Variants in SLC35F3 observed in about 807,000 individuals in gnomAD.
SLC35F3 encodes solute carrier family 35 member F3, also known as putative thiamine transporter SLC35F3.
SLC35F3 carries 25 observed loss-of-function variants against 49.9 expected under a neutral mutation model. The observed-to-expected ratio is 0.50, with a 90% CI of 0.37 to 0.70. The LOEUF is 0.70. SLC35F3 is among the 30% of genes least tolerant of loss of function. The pLI, the probability that SLC35F3 is intolerant of heterozygous loss-of-function variation, is 0.00. For synonymous variants in SLC35F3, 275 were observed against 265.4 expected (o/e 1.04, Z -0.35); for missense variants, 525 against 639.8 (o/e 0.82, Z 1.94).
chr1:233,963,822 A>G (rs957801883), intron 2 of SLC35F3, among the ~76,000 whole-genome samples: 5 of 152,188 alleles, frequency 3.3e-5, no homozygotes, highest in Non-Finnish European at 1.5e-5. Context: ...GTCATTCACT[A>G]TCACACAATT....
At position 234,214,306 on chromosome 1, in the gene SLC35F3, G is replaced by A; in HGVS notation, c.284-17111G>A. ...CCGGGGAGGATGTGCGCTGCAGGGC[G>A]GCCGCCGCAGTGAGCAACGCGGCAA... On this transcript the variant is annotated intron_variant, in intron 2 of 7. Coordinates refer to ENST00000366618, the MANE Select transcript of SLC35F3 (RefSeq NM_173508.4). The surrounding 1 kb of genome is among the most constrained non-coding windows in gnomAD (Gnocchi z 8.0). The A allele has an allele frequency of 4.6e-6, 6 of 1,294,724 alleles. No homozygotes were observed. Among genetic ancestry groups the A allele is most frequent in the Non-Finnish European group, 5.9e-6 (6 of 1,024,896 alleles). 80.2% of individuals were successfully genotyped at this position (1,294,724 alleles called of 1,614,324 possible). A position where few individuals can be genotyped will look rare whatever the true frequency, so the allele number is the denominator to read the frequency against.
chr1:234,312,524 T>A (rs1005308847), intron 4 of SLC35F3, among the ~76,000 whole-genome samples: 9 of 152,192 alleles, frequency 5.9e-5, no homozygotes, highest in East Asian at 5.8e-4. Context: ...TGTGGGGGGC[T>A]GCCCTCTGCA....
chr1:234,156,974 G>C (rs564726653), intron 2 of SLC35F3, among the ~76,000 whole-genome samples: 1 of 152,146 alleles, frequency 6.6e-6, no homozygotes, highest in Non-Finnish European at 1.5e-5. Flanking sequence ...GGGAAATAGA[G>C]AGTGAATGCT....
At chr1:234,111,287 T>TTTTTG (rs1456234089) in intron 2 of SLC35F3, among the ~76,000 whole-genome samples, 3 of 152,180 alleles carry the variant, frequency 2.0e-5, no homozygotes, top group East Asian at 1.9e-4. Context: ...GCCCCTGTAT[T>TTTTTG]TTTTGTTTTG....
chr1:233,961,458 T>C (rs1315819849), intron 2 of SLC35F3, among the ~76,000 whole-genome samples: 2 of 150,034 alleles, frequency 1.3e-5, no homozygotes, highest in African/African-American at 2.5e-5. Context: ...TTCCTCTCTT[T>C]TTTTTTTTTT....
At chr1:233,991,580 C>A (rs1271838200) in intron 2 of SLC35F3, among the ~76,000 whole-genome samples, 2 of 152,276 alleles carry the variant, frequency 1.3e-5, no homozygotes, top group South Asian at 2.1e-4. Flanking sequence ...AAGCGATGAA[C>A]TTTGCCAGCT....
At chr1:234,234,427 G>A (rs772577050) in intron 3 of SLC35F3, among the ~76,000 whole-genome samples, 7 of 152,168 alleles carry the variant, frequency 4.6e-5, no homozygotes, top group Non-Finnish European at 4.4e-5. Context: ...AACCTGCAAC[G>A]CCCTGTGAGG....
At chr1:233,950,469 C>CTTCT (rs1662586399) in intron 2 of SLC35F3, among the ~76,000 whole-genome samples, 1 of 145,004 alleles carries the variant, frequency 6.9e-6, no homozygotes, top group Admixed American at 7.0e-5. Context: ...TCCTTCCTTC[C>CTTCT]TTCCTTCCTT....
intron 2 of SLC35F3, among the ~76,000 whole-genome samples, chr1:234,218,328 T>A (rs1380739740): frequency 6.6e-6 from 1 of 151,958 alleles, no homozygotes; most frequent in African/African-American, 2.4e-5. Context: ...GTGGAAAGGG[T>A]GAGGGCTTTG....
intron 2 of SLC35F3, among the ~76,000 whole-genome samples, chr1:234,096,874 TTTGTTAAA>T (rs1325350258): frequency 3.4e-5 from 5 of 148,564 alleles, no homozygotes; most frequent in African/African-American, 5.0e-5. Context: ...GTAAATCTAC[TTTGTTAAA>T]TTCTTTTTTT....
At chr1:234,252,420 A>T (rs566376883) in intron 3 of SLC35F3, among the ~76,000 whole-genome samples, 3 of 152,326 alleles carry the variant, frequency 2.0e-5, no homozygotes, top group Non-Finnish European at 4.4e-5. Context: ...GGCAAAAAAT[A>T]AAAATAAAAA....
chr1:233,965,379 C>G (rs1388579747), intron 2 of SLC35F3, among the ~76,000 whole-genome samples: 2 of 152,180 alleles, frequency 1.3e-5, no homozygotes, highest in Non-Finnish European at 2.9e-5. Context: ...TTGTCTAATT[C>G]CTTCCCCTTG....
chr1:234,299,346 C>T (rs919367078), intron 3 of SLC35F3, among the ~76,000 whole-genome samples: 2 of 152,024 alleles, frequency 1.3e-5, no homozygotes, highest in Non-Finnish European at 2.9e-5. Context: ...TTAGTTGAGA[C>T]CAACGAAAGT....
intron 2 of SLC35F3, among the ~76,000 whole-genome samples, chr1:234,170,497 G>A (rs527570936): frequency 9.9e-5 from 15 of 151,996 alleles, no homozygotes; most frequent in Admixed American, 7.9e-4. Flanking sequence ...TCACCTGCTG[G>A]CAGGCAGACC....
chr1:233,936,911 C>G (rs151272062), intron 2 of SLC35F3, among the ~76,000 whole-genome samples: 1 of 152,122 alleles, frequency 6.6e-6, no homozygotes, highest in Admixed American at 6.6e-5. Flanking sequence ...AGGCTGGTCT[C>G]GAACTCCTGA....
chr1:234,248,543 G>A (rs1667683922), intron 3 of SLC35F3, among the ~76,000 whole-genome samples: 1 of 152,270 alleles, frequency 6.6e-6, no homozygotes. Context: ...GCATTGTTTG[G>A]TGGGTTGGTT....
At chr1:234,064,966 A>T (rs1403045686) in intron 2 of SLC35F3, among the ~76,000 whole-genome samples, 1 of 152,236 alleles carries the variant, frequency 6.6e-6, no homozygotes, top group Non-Finnish European at 1.5e-5. Context: ...TAAAAAGAAG[A>T]CAGCGAAAAA....
chr1:234,042,847 C>T (rs770927496), intron 2 of SLC35F3, among the ~76,000 whole-genome samples: 4 of 152,158 alleles, frequency 2.6e-5, no homozygotes, highest in Non-Finnish European at 4.4e-5. Context: ...GAAATGGTGT[C>T]GAAGAGCCTG....
chr1:234,314,577 A>G (rs1397456675), intron 4 of SLC35F3, among the ~76,000 whole-genome samples: 1 of 152,208 alleles, frequency 6.6e-6, no homozygotes, highest in Non-Finnish European at 1.5e-5. Context: ...CCTGGCCAAC[A>G]TGGTGAAACC....
Sources: allele counts gnomAD v4.1 joint callset (sites outside exome capture counted in the v4.1 genomes callset), GRCh38; gene constraint gnomAD v4.1.1; non-coding constraint Gnocchi (gnomAD v3.1); transcripts MANE v1.5; gene names NCBI Gene and HGNC (gene_info 2026-07-23, HGNC 2026-07-21).